Variants in FKBP5 observed in about 807,000 individuals in gnomAD.
FKBP5 encodes FKBP prolyl isomerase 5.
In FKBP5, 23 loss-of-function variants were observed where a neutral mutation model predicts 50.5. That is an observed-to-expected ratio of 0.46 (90% confidence interval 0.33 to 0.65). FKBP5 has a LOEUF of 0.65. Among genes scored for constraint, FKBP5 ranks in the 30% least tolerant of loss-of-function variants. The pLI is 0.02. For synonymous variants in FKBP5, 176 were observed against 190.6 expected (o/e 0.92, Z 0.63); for missense variants, 411 against 553.1 (o/e 0.74, Z 2.58).
At chr6:35,619,546 A>G (rs1187730823) in intron 4 of FKBP5, among the ~76,000 whole-genome samples, 1 of 152,126 alleles carries the variant, frequency 6.6e-6, no homozygotes, top group South Asian at 2.1e-4. Context: ...TGAGGCCACA[A>G]CTTTCCCATC....
intron 2 of FKBP5, among the ~76,000 whole-genome samples, chr6:35,716,650 C>T (rs979885104): frequency 6.6e-5 from 10 of 152,236 alleles, no homozygotes; most frequent in African/African-American, 2.2e-4. Context: ...CAGTGACTGC[C>T]GCTGAATTGG....
chr6:35,621,489 G>A lies in FKBP5; in HGVS notation c.251-1215C>T, dbSNP rs139325786. On this transcript the variant is annotated intron_variant, in intron 3 of 10. Transcript: ENST00000357266. Reference sequence around the variant, plus strand: ...AAAAATTAGCCAGGCATGGTAGTGCGTGCCTGTAATCCCAGCTACTTAGGA... The same window carrying A: ...AAAAATTAGCCAGGCATGGTAGTGCATGCCTGTAATCCCAGCTACTTAGGA... Among the ~76,000 whole-genome samples, 640 of 151,886 alleles carry A rather than the reference G, an allele frequency of 4.2e-3. 4 individuals are homozygous for A. The highest frequency in any genetic ancestry group is 0.014 in the African/African-American group (588 of 41,420).
At chr6:35,598,071 A>T (rs1201479902) in intron 5 of FKBP5, among the ~76,000 whole-genome samples, 1 of 152,176 alleles carries the variant, frequency 6.6e-6, no homozygotes, top group Non-Finnish European at 1.5e-5. Context: ...CCCCTGAAAT[A>T]TTAGGAGGTC....
At chr6:35,630,194 G>A (rs766669798) in intron 3 of FKBP5, among the ~76,000 whole-genome samples, 19 of 151,752 alleles carry the variant, frequency 1.3e-4, no homozygotes, top group African/African-American at 3.6e-4. Flanking sequence ...GAGAGAGAGC[G>A]AGCGAACACA....
At position 35,593,309 on chromosome 6, in the gene FKBP5, T is replaced by C. The variant is rs144624077; in HGVS notation, c.666-2089A>G. On this transcript the variant is annotated intron_variant, in intron 6 of 10. Coordinates refer to ENST00000357266, the MANE Select transcript of FKBP5 (RefSeq NM_004117.4). ...TGAATTAAGAGTTTCCTCCAGAGAA[T>C]AGAGATACAAATAATGACTATGAAT... 3.5e-4 allele frequency among the ~76,000 whole-genome samples: 53 copies of C among 152,262 alleles called. 3 individuals are homozygous for C. The East Asian group carries it at 7.5e-3, about 22-fold the overall frequency.
chr6:35,667,369 T>C (rs1287981422), intron 1 of FKBP5, among the ~76,000 whole-genome samples: 1 of 152,172 alleles, frequency 6.6e-6, no homozygotes, highest in Admixed American at 6.5e-5. Context: ...GTCTCCCCTG[T>C]AAGAACCACT....
chr6:35,722,177 T>G (rs1006789928), intron 1 of FKBP5, among the ~76,000 whole-genome samples: 2 of 131,884 alleles, frequency 1.5e-5, no homozygotes, highest in South Asian at 2.1e-4. Flanking sequence ...ATTTGTTCTG[T>G]TTTTTTTTTA....
intron 5 of FKBP5, among the ~76,000 whole-genome samples, chr6:35,613,337 C>T (rs1442511215): frequency 1.3e-5 from 2 of 152,196 alleles, no homozygotes; most frequent in Non-Finnish European, 2.9e-5. Context: ...GCCTCACCCT[C>T]CCAAGTAGCT....
intron 2 of FKBP5, among the ~76,000 whole-genome samples, chr6:35,717,071 C>T (rs1766524236): frequency 6.6e-6 from 1 of 152,192 alleles, no homozygotes. Context: ...CCACCCCCCG[C>T]CATCCCTATT....
At chr6:35,667,660 C>T (rs1012124264) in intron 1 of FKBP5, among the ~76,000 whole-genome samples, 1 of 152,210 alleles carries the variant, frequency 6.6e-6, no homozygotes, top group Non-Finnish European at 1.5e-5. Context: ...GCAGGTGGAT[C>T]ACCTGAGGTC....
chr6:35,618,147 T>A (rs1763715342), intron 5 of FKBP5, among the ~76,000 whole-genome samples: 1 of 152,206 alleles, frequency 6.6e-6, no homozygotes, highest in Admixed American at 6.5e-5. Flanking sequence ...TTTTCTCATC[T>A]GGGGACAAGA....
chr6:35,579,836 A>G (rs1261524200), intron 9 of FKBP5, among the ~76,000 whole-genome samples, 200 bp downstream of exon 9: 1 of 152,236 alleles, frequency 6.6e-6, no homozygotes, highest in Non-Finnish European at 1.5e-5. Flanking sequence ...CAGTCTAGGT[A>G]TCATAAAAGT....
chr6:35,667,553 T>C (rs1311513873), intron 1 of FKBP5, among the ~76,000 whole-genome samples: 1 of 152,168 alleles, frequency 6.6e-6, no homozygotes, highest in Non-Finnish European at 1.5e-5. Flanking sequence ...GAAAGAACAA[T>C]TCAACAAGCA....
intron 5 of FKBP5, among the ~76,000 whole-genome samples, chr6:35,601,731 G>A (rs1405082842): frequency 6.6e-6 from 1 of 152,048 alleles, no homozygotes; most frequent in Non-Finnish European, 1.5e-5. Context: ...GGGCTCAGGA[G>A]GTCTGTTGCT....
At chr6:35,579,959 T>C in intron 9 of FKBP5, 77 bp downstream of exon 9, 1 of 1,138,538 alleles carries the variant, frequency 8.8e-7, no homozygotes, top group East Asian at 2.5e-5. Flanking sequence ...AACCTTTGGC[T>C]GAGAGGAAGC....
At chr6:35,700,229 C>T (rs566030266) in intron 2 of FKBP5, among the ~76,000 whole-genome samples, 116 of 152,098 alleles carry the variant, frequency 7.6e-4, no homozygotes, top group African/African-American at 2.5e-3. Flanking sequence ...GGTGCAATCT[C>T]GGCTCACTGC....
chr6:35,671,551 G>A (rs1278077876), intron 1 of FKBP5, among the ~76,000 whole-genome samples: 1 of 151,988 alleles, frequency 6.6e-6, no homozygotes, highest in African/African-American at 2.4e-5. Context: ...TAAAATGAAA[G>A]TGAAAAAGTC....
chr6:35,673,325 A>C (rs1765439799), intron 1 of FKBP5, among the ~76,000 whole-genome samples: 1 of 152,166 alleles, frequency 6.6e-6, no homozygotes. Flanking sequence ...CAGGGCAGGC[A>C]GATCACTTGA....
chr6:35,649,608 A>G (rs1405466280), intron 1 of FKBP5, among the ~76,000 whole-genome samples: 2 of 152,170 alleles, frequency 1.3e-5, no homozygotes, highest in African/African-American at 4.8e-5. Flanking sequence ...AAAGTAGAAG[A>G]GAGATGTAGA....
Sources: gnomAD v4.1 joint callset for allele counts (sites outside exome capture counted in the v4.1 genomes callset) on GRCh38, gnomAD v4.1.1 for gene constraint, MANE v1.5 for transcripts, NCBI Gene and HGNC (gene_info 2026-07-23, HGNC 2026-07-21) for gene names.